POFUT3: variants seen among roughly 807,000 people sequenced by gnomAD.
POFUT3 encodes GDP-fucose protein O-fucosyltransferase 3.
At chr8:33,390,815 C>T in the POFUT3 span, among the ~76,000 whole-genome samples, 66 of 152,196 alleles carry the variant, frequency 4.3e-4, no homozygotes, top group Non-Finnish European at 5.4e-4. Context: ...CTAGCATCCA[C>T]GGGATTAATT....
At chr8:33,444,488 C>T in the POFUT3 span, among the ~76,000 whole-genome samples, 1 of 151,750 alleles carries the variant, frequency 6.6e-6, no homozygotes, top group Non-Finnish European at 1.5e-5. Context: ...CTGAGAGAAC[C>T]CCCAGGCTGG....
chr8:33,326,645 T>C, the POFUT3 span, among the ~76,000 whole-genome samples: 3 of 152,170 alleles, frequency 2.0e-5, no homozygotes, highest in African/African-American at 7.2e-5. Flanking sequence ...CCTCCACAGC[T>C]TGAAGTTACC....
chr8:33,374,375 G>A, the POFUT3 span, among the ~76,000 whole-genome samples: 19 of 152,222 alleles, frequency 1.2e-4, no homozygotes, highest in South Asian at 1.0e-3. Flanking sequence ...TAGACAAACC[G>A]TATGAAGGGA....
the POFUT3 span, chr8:33,389,271 C>CTG: frequency 6.2e-7 from 1 of 1,614,010 alleles, no homozygotes; most frequent in South Asian, 1.1e-5. Flanking sequence ...TATACAGGGA[C>CTG]TACCCCCAGT....
the POFUT3 span, among the ~76,000 whole-genome samples, chr8:33,363,039 T>C: frequency 6.6e-6 from 1 of 152,152 alleles, no homozygotes; most frequent in Admixed American, 6.5e-5. Context: ...CCTCAGCAAA[T>C]GTAAAAGAAC....
At chr8:33,451,438 A>G in the POFUT3 span, among the ~76,000 whole-genome samples, 2 of 152,136 alleles carry the variant, frequency 1.3e-5, no homozygotes, top group East Asian at 1.9e-4. Flanking sequence ...ATACGTGTGT[A>G]TATATGTGCA....
the POFUT3 span, among the ~76,000 whole-genome samples, chr8:33,364,483 TC>T: frequency 2.0e-5 from 3 of 152,182 alleles, no homozygotes; most frequent in African/African-American, 4.8e-5. Context: ...AGTCAAATTT[TC>T]CCTGTTTGCA....
At chr8:33,380,201 AC>A in the POFUT3 span, among the ~76,000 whole-genome samples, 2 of 58,656 alleles carry the variant, frequency 3.4e-5, no homozygotes, top group Admixed American at 2.7e-4. Context: ...ATATATATAT[AC>A]TATATATATA....
the POFUT3 span, among the ~76,000 whole-genome samples, chr8:33,318,479 A>C: frequency 7.6e-6 from 1 of 131,530 alleles, no homozygotes; most frequent in East Asian, 2.1e-4. Flanking sequence ...TATTATTATA[A>C]TATATAATGT....
the POFUT3 span, among the ~76,000 whole-genome samples, chr8:33,456,660 A>C: frequency 3.6e-3 from 543 of 152,260 alleles, 3 homozygotes; most frequent in African/African-American, 0.012. Context: ...ATAAAACCAT[A>C]ATCAGCCAAT....
the POFUT3 span, chr8:33,372,388 A>C: frequency 3.7e-6 from 5 of 1,362,760 alleles, no homozygotes; most frequent in African/African-American, 7.4e-5. Context: ...TTAGTATAAA[A>C]AATATAGTGG....
At chr8:33,389,616 C>G in the POFUT3 span, 80 of 1,614,024 alleles carry the variant, frequency 5.0e-5, 1 homozygote, top group East Asian at 1.7e-3. Flanking sequence ...TCAATGCTCT[C>G]CAAGTATTGG....
At chr8:33,471,285 T>C in the POFUT3 span, among the ~76,000 whole-genome samples, 1 of 152,124 alleles carries the variant, frequency 6.6e-6, no homozygotes, top group African/African-American at 2.4e-5. Context: ...TCTCGCTCTG[T>C]TGCCCAGGCT....
the POFUT3 span, among the ~76,000 whole-genome samples, chr8:33,321,805 G>A: frequency 6.6e-6 from 1 of 152,030 alleles, no homozygotes; most frequent in African/African-American, 2.4e-5. Context: ...CTTCTGCCAG[G>A]TCTCAGCCTA....
At chr8:33,346,586 A>T in the POFUT3 span, among the ~76,000 whole-genome samples, 1 of 152,168 alleles carries the variant, frequency 6.6e-6, no homozygotes, top group Non-Finnish European at 1.5e-5. Flanking sequence ...TGTTTTCTGC[A>T]TACATTTGGA....
chr8:33,466,768 G>GAACAGT, the POFUT3 span, among the ~76,000 whole-genome samples: 1 of 152,080 alleles, frequency 6.6e-6, no homozygotes, highest in Non-Finnish European at 1.5e-5. Flanking sequence ...GACCAAAAGA[G>GAACAGT]AACAGTAAGG....
At chr8:33,468,409 A>T in the POFUT3 span, among the ~76,000 whole-genome samples, 1 of 152,018 alleles carries the variant, frequency 6.6e-6, no homozygotes, top group Non-Finnish European at 1.5e-5. Context: ...CTGGGTTAAT[A>T]AGCTAGAGGT....
the POFUT3 span, among the ~76,000 whole-genome samples, chr8:33,363,532 T>C: frequency 4.6e-5 from 7 of 151,606 alleles, 1 homozygote; most frequent in East Asian, 1.9e-4. Context: ...GCAAGACTAA[T>C]AAAGAAGAAA....
chr8:33,379,846 AAT>A, the POFUT3 span, among the ~76,000 whole-genome samples: 147 of 102,140 alleles, frequency 1.4e-3, 12 homozygotes, highest in Middle Eastern at 0.011. Context: ...AAAAAAAAAA[AAT>A]ATATATATAT....
Sources: allele counts gnomAD v4.1 joint callset (sites outside exome capture counted in the v4.1 genomes callset), GRCh38; gene constraint gnomAD v4.1.1; transcripts MANE v1.5; gene names NCBI Gene and HGNC (gene_info 2026-07-23, HGNC 2026-07-21).